Variants in AUTS2 observed in about 807,000 individuals in gnomAD.
AUTS2 encodes the protein activator of transcription and developmental regulator AUTS2.
In AUTS2, 17 loss-of-function variants were observed where a neutral mutation model predicts 112.4. That is an observed-to-expected ratio of 0.15 (90% CI 0.10 to 0.23). The LOEUF is 0.23. Ranked by LOEUF, AUTS2 falls within the 10% of genes least tolerant of loss-of-function variation. The pLI, the probability that AUTS2 is intolerant of heterozygous loss-of-function variation, is 1.00. For synonymous variants in AUTS2, 751 were observed against 702.7 expected, an observed-to-expected ratio of 1.07 and a Z score of -1.09; for missense variants, 1,510 against 1,701.6, an observed-to-expected ratio of 0.89 and a Z score of 1.98.
intron 2 of AUTS2, among the ~76,000 whole-genome samples, chr7:69,980,372 G>A (rs1358268338): frequency 6.6e-6 from 1 of 152,172 alleles, no homozygotes; most frequent in Non-Finnish European, 1.5e-5. Flanking sequence ...TTTTGCAGAG[G>A]GAGTGCAGAG....
At chr7:69,718,567 C>T (rs569334) in intron 1 of AUTS2, among the ~76,000 whole-genome samples, 130,671 of 152,258 alleles carry the variant, frequency 0.86, 56,435 homozygotes, top group African/African-American at 0.96. Flanking sequence ...CTTCCTCTTC[C>T]ACTTTTAAGA....
chr7:70,195,508 G>A lies in AUTS2; in HGVS notation c.660+60937G>A, dbSNP rs370732670. ...CTAAAAATACAAAAGAAAATTAGTC[G>A]GGCACTGTGCTGTGTATCAGTAGTC... On this transcript the variant is annotated intron_variant, in intron 4 of 18. Coordinates refer to ENST00000342771, the MANE Select transcript of AUTS2 (RefSeq NM_015570.4). Among the ~76,000 whole-genome samples the A allele has an allele frequency of 1.7e-3, 263 of 152,114 alleles. 15 individuals carry two copies. In the South Asian group the frequency reaches 0.051, roughly 29 times the overall value.
intron 6 of AUTS2, among the ~76,000 whole-genome samples, chr7:70,701,953 G>T (rs4718983): frequency 0.025 from 3,827 of 152,244 alleles, 72 homozygotes; most frequent in East Asian, 0.065. Flanking sequence ...AGGAGCAACA[G>T]GACCTGTACC....
intron 6 of AUTS2, among the ~76,000 whole-genome samples, chr7:70,751,630 C>T (rs1225380945): frequency 6.6e-6 from 1 of 152,132 alleles, no homozygotes; most frequent in Non-Finnish European, 1.5e-5. Flanking sequence ...CAAATCCATA[C>T]ATGTTTGTTT....
rs1479816255 is a variant in AUTS2 at position 70,351,665 on chromosome 7, C to G, written c.661-84087C>G. Among the ~76,000 whole-genome samples the G allele has an allele frequency of 2.6e-5, 4 of 152,120 alleles. No homozygotes were observed. The East Asian group carries it at 7.7e-4, about 29-fold the overall frequency. On this transcript the variant is annotated intron_variant, in intron 4 of 18. Transcript: ENST00000342771. ...TATACAAGTACCTTTTTCTCCACAA[C>G]CTTACCACATAAGTGTTGACTTTTT... is the stretch of plus-strand genomic sequence containing the variant.
chr7:70,786,738 G>T (rs951638101), intron 17 of AUTS2, among the ~76,000 whole-genome samples: 2 of 152,144 alleles, frequency 1.3e-5, no homozygotes, highest in East Asian at 3.9e-4. Context: ...AACACAGGAA[G>T]GAGACCTGTG....
intron 1 of AUTS2, among the ~76,000 whole-genome samples, chr7:69,740,026 A>G (rs1039442883): frequency 4.6e-5 from 7 of 152,186 alleles, no homozygotes; most frequent in African/African-American, 1.7e-4. Context: ...GACTATCTTT[A>G]GTGGGCCAAT....
intron 5 of AUTS2, among the ~76,000 whole-genome samples, chr7:70,606,430 G>A (rs723980): frequency 0.74 from 113,139 of 152,062 alleles, 42,210 homozygotes; most frequent in Middle Eastern, 0.78. Context: ...TCATGCATTT[G>A]GTCAATAGCA....
In AUTS2 at chr7:70,168,819, T is replaced by A. The variant is rs1808518721; in HGVS notation, c.660+34248T>A. On this transcript the variant is annotated intron_variant, in intron 4 of 18. Transcript: ENST00000342771. ...GTTCTCTGTGTGCTGGTGAGAGGAC[T>A]TTTTATTTTTACTCCTGGAAATACA... is the stretch of plus-strand genomic sequence containing the variant. 2.6e-5 allele frequency among the ~76,000 whole-genome samples: 4 copies of A among 152,200 alleles called. No individual in the cohort carries two copies. In the South Asian group the frequency reaches 8.3e-4, roughly 32 times the overall value.
intron 1 of AUTS2, among the ~76,000 whole-genome samples, chr7:69,784,205 G>T (rs962804940): frequency 2.1e-4 from 32 of 152,312 alleles, no homozygotes; most frequent in Non-Finnish European, 3.8e-4. Flanking sequence ...GGTCCTTTAA[G>T]ATTAGTTTTG....
intron 4 of AUTS2, among the ~76,000 whole-genome samples, chr7:70,231,698 G>A (rs1055651961): frequency 2.7e-5 from 4 of 149,182 alleles, no homozygotes; most frequent in East Asian, 2.0e-4. Flanking sequence ...CCGCCTCAGC[G>A]TCCAAAGTGC....
intron 2 of AUTS2, among the ~76,000 whole-genome samples, chr7:70,100,900 CAG>C (rs1461037930): frequency 1.3e-5 from 2 of 152,012 alleles, no homozygotes; most frequent in Non-Finnish European, 2.9e-5. Context: ...TTTTTTGAGA[CAG>C]AGTCTCCTTC....
chr7:69,763,815 G>A (rs1788297754), intron 1 of AUTS2, among the ~76,000 whole-genome samples: 2 of 152,140 alleles, frequency 1.3e-5, no homozygotes, highest in South Asian at 4.1e-4. Context: ...TTGGTACATA[G>A]CTCATGTTCT....
rs139928285 is a variant in AUTS2 at position 70,687,708 on chromosome 7, A to C, written c.691-10861A>C. 6.6e-3 allele frequency among the ~76,000 whole-genome samples: 1,003 copies of C among 152,314 alleles called. 12 individuals are homozygous for C. The highest frequency in any genetic ancestry group is 0.022 in the African/African-American group (921 of 41,572). On this transcript the variant is annotated intron_variant, in intron 5 of 18. Transcript: ENST00000342771. ...GTTTTTACTTTACAGCAGTACGAGC[A>C]TGAGCTATTGCACTCTCCTTTCAGG...
chr7:69,761,651 G>A (rs1466990787), intron 1 of AUTS2, among the ~76,000 whole-genome samples: 1 of 152,110 alleles, frequency 6.6e-6, no homozygotes, highest in South Asian at 2.1e-4. Flanking sequence ...GGAATGCCGG[G>A]CTCCTCTGAA....
intron 3 of AUTS2, among the ~76,000 whole-genome samples, chr7:70,133,047 T>A (rs548557172): frequency 1.3e-5 from 2 of 152,192 alleles, no homozygotes; most frequent in Non-Finnish European, 2.9e-5. Flanking sequence ...CTACTGTGGA[T>A]CTCCCTCCAT....
At chr7:70,139,121 C>T (rs1806719558) in intron 4 of AUTS2, among the ~76,000 whole-genome samples, 1 of 152,132 alleles carries the variant, frequency 6.6e-6, no homozygotes, top group East Asian at 1.9e-4. Context: ...TGCATGCCAC[C>T]ACACCTGCCT....
intron 9 of AUTS2, among the ~76,000 whole-genome samples, chr7:70,767,620 G>A (rs2129557667): frequency 6.6e-6 from 1 of 152,310 alleles, no homozygotes; most frequent in Admixed American, 6.5e-5. Context: ...GAAGACAGCT[G>A]CATGGCAAGA....
At chr7:70,223,718 T>C (rs1811604732) in intron 4 of AUTS2, among the ~76,000 whole-genome samples, 1 of 152,180 alleles carries the variant, frequency 6.6e-6, no homozygotes, top group Non-Finnish European at 1.5e-5. Context: ...ATTGTTATCA[T>C]AGGGGATGGT....
Sources: gnomAD v4.1 joint callset for allele counts (sites outside exome capture counted in the v4.1 genomes callset) on GRCh38, gnomAD v4.1.1 for gene constraint, MANE v1.5 for transcripts, NCBI Gene and HGNC (gene_info 2026-07-23, HGNC 2026-07-21) for gene names.